CLCN3: variants seen among roughly 807,000 people sequenced by gnomAD.
CLCN3 encodes Cl-/H+ antiporter 3.
A neutral mutation model predicts 83.4 loss-of-function variants in CLCN3; 16 were observed. That is an observed-to-expected ratio of 0.19 (90% confidence interval 0.13 to 0.29). The LOEUF (loss-of-function observed/expected upper bound fraction) is 0.29, where lower values mean the gene tolerates loss of function less well. Among genes scored for constraint, CLCN3 ranks in the 10% least tolerant of loss-of-function variants. The pLI, the probability that CLCN3 is intolerant of heterozygous loss-of-function variation, is 1.00. For synonymous variants in CLCN3, 322 were observed against 346.2 expected, an observed-to-expected ratio of 0.93 and a Z score of 0.78; for missense variants, 544 against 1,006.0, an observed-to-expected ratio of 0.54 and a Z score of 6.21.
intron 1 of CLCN3, among the ~76,000 whole-genome samples, chr4:169,622,870 A>G (rs1445206263): frequency 1.3e-5 from 2 of 152,238 alleles, no homozygotes; most frequent in Admixed American, 6.5e-5. Context: ...TATAAAAGCA[A>G]TGTAAAATTA....
chr4:169,660,436 T>C, intron 2 of CLCN3: 1 of 1,378,056 alleles, frequency 7.3e-7, no homozygotes, highest in Non-Finnish European at 9.3e-7. Flanking sequence ...CCTGAGGGAA[T>C]TACATAAAAG....
At chr4:169,663,986 A>T (rs1205560729) in intron 2 of CLCN3, among the ~76,000 whole-genome samples, 1 of 152,244 alleles carries the variant, frequency 6.6e-6, no homozygotes, top group Non-Finnish European at 1.5e-5. Flanking sequence ...TCTGCTTTTG[A>T]CAAGTGTTAT....
intron 10 of CLCN3, among the ~76,000 whole-genome samples, chr4:169,704,868 A>G (rs1732930193): frequency 6.6e-6 from 1 of 152,216 alleles, no homozygotes; most frequent in Admixed American, 6.5e-5. Context: ...AAATTATGTG[A>G]TTATTGATCT....
intron 3 of CLCN3, among the ~76,000 whole-genome samples, chr4:169,682,684 G>A (rs972463255): frequency 3.9e-5 from 6 of 152,166 alleles, no homozygotes; most frequent in African/African-American, 1.4e-4. Flanking sequence ...TGATTGAGAC[G>A]TAGCAGTTTT....
chr4:169,702,825 G>A (rs1173229926), intron 9 of CLCN3: 2 of 284,918 alleles, frequency 7.0e-6, no homozygotes, highest in South Asian at 3.4e-5. Flanking sequence ...GTGCACGCCT[G>A]TAGTCCCAGC....
At chr4:169,676,001 A>G (rs1347301262) in intron 2 of CLCN3, among the ~76,000 whole-genome samples, 1 of 152,194 alleles carries the variant, frequency 6.6e-6, no homozygotes, top group Non-Finnish European at 1.5e-5. Flanking sequence ...AAAGTAGAAA[A>G]TGAAAGTTCA....
At chr4:169,709,605 A>T (rs2150270331) in intron 11 of CLCN3, among the ~76,000 whole-genome samples, 1 of 152,098 alleles carries the variant, frequency 6.6e-6, no homozygotes, top group African/African-American at 2.4e-5. Flanking sequence ...GAATCACTTG[A>T]ACCTGGGAGG....
chr4:169,695,709 C>T lies in CLCN3; in HGVS notation c.1017+17C>T, dbSNP rs373901761. ...CTGGAAGAGGTAGGTGAAAAGAATA[C>T]AACAATTAAAATTATATATAATTAC... is the stretch of plus-strand genomic sequence containing the variant. On this transcript the variant is annotated intron_variant, in intron 8 of 12. Transcript: ENST00000513761. 45 of 1,532,662 alleles carry T rather than the reference C, an allele frequency of 2.9e-5. No individual in the cohort carries two copies. In the African/African-American group the frequency reaches 5.3e-4, roughly 18 times the overall value. 94.9% of individuals were successfully genotyped at this position (1,532,662 alleles called of 1,614,324 possible).
chr4:169,666,822 A>G (rs995278036), intron 2 of CLCN3, among the ~76,000 whole-genome samples: 4 of 152,144 alleles, frequency 2.6e-5, no homozygotes, highest in African/African-American at 9.7e-5. Context: ...TTGTTTTCCA[A>G]ATTTATAAAG....
chr4:169,679,888 G>A (rs915896074), intron 2 of CLCN3, among the ~76,000 whole-genome samples, 162 bp from the exon 3 acceptor site: 21 of 121,488 alleles, frequency 1.7e-4, no homozygotes, highest in Admixed American at 4.0e-4. Flanking sequence ...GGCGGGAGTC[G>A]GAGACGAGGG....
intron 2 of CLCN3, among the ~76,000 whole-genome samples, chr4:169,670,288 A>G (rs1731407445): frequency 6.6e-6 from 1 of 152,174 alleles, no homozygotes; most frequent in Non-Finnish European, 1.5e-5. Context: ...ATTTTTGTAT[A>G]AGGTGTAAGG....
chr4:169,702,192 A>G (rs547501938), intron 9 of CLCN3, among the ~76,000 whole-genome samples: 42 of 152,124 alleles, frequency 2.8e-4, no homozygotes, highest in Non-Finnish European at 5.3e-4. Context: ...CTGTCTCACC[A>G]TCATCACCTG....
chr4:169,622,820 C>T (rs1378330167), intron 1 of CLCN3, among the ~76,000 whole-genome samples: 1 of 151,986 alleles, frequency 6.6e-6, no homozygotes, highest in Admixed American at 6.5e-5. Context: ...AGTCAAAATG[C>T]TAGAGAAAAA....
At chr4:169,716,571 A>G (rs759817407) in intron 12 of CLCN3, among the ~76,000 whole-genome samples, 6 of 152,184 alleles carry the variant, frequency 3.9e-5, no homozygotes, top group Admixed American at 6.5e-5. Flanking sequence ...GAATGAGTGA[A>G]TGTTCATTAT....
chr4:169,665,049 CAA>C (rs1371021438), intron 2 of CLCN3, among the ~76,000 whole-genome samples: 1 of 152,186 alleles, frequency 6.6e-6, no homozygotes, highest in Non-Finnish European at 1.5e-5. Flanking sequence ...GTTTCTCTAA[CAA>C]ATTTTATAAA....
intron 2 of CLCN3, among the ~76,000 whole-genome samples, chr4:169,653,640 C>CAAAAAAAAAA (rs70964215): frequency 1.4e-5 from 1 of 73,620 alleles, no homozygotes; most frequent in Non-Finnish European, 2.4e-5. Flanking sequence ...GACTCCGTCT[C>CAAAAAAAAAA]AAAAAAAAAA....
At chr4:169,660,996 G>A (rs532286375) in intron 2 of CLCN3, among the ~76,000 whole-genome samples, 7 of 152,104 alleles carry the variant, frequency 4.6e-5, no homozygotes, top group Admixed American at 3.9e-4. Flanking sequence ...ATGTATTTCG[G>A]CTGAGTAACA....
chr4:169,678,817 T>A (rs1241301398), intron 2 of CLCN3, among the ~76,000 whole-genome samples: 1 of 152,256 alleles, frequency 6.6e-6, no homozygotes, highest in Admixed American at 6.5e-5. Flanking sequence ...TGTCTACTTC[T>A]TTCTACACAG....
chr4:169,645,726 A>T (rs1259302453), intron 2 of CLCN3, among the ~76,000 whole-genome samples: 142 of 152,200 alleles, frequency 9.3e-4, no homozygotes, highest in Non-Finnish European at 1.5e-5. Context: ...TAGTATTCCA[A>T]TACCAAGTAG....
Sources: gnomAD v4.1 joint callset for allele counts (sites outside exome capture counted in the v4.1 genomes callset) on GRCh38, gnomAD v4.1.1 for gene constraint, MANE v1.5 for transcripts, NCBI Gene and HGNC (gene_info 2026-07-23, HGNC 2026-07-21) for gene names.